Variants in WDFY3 observed in about 807,000 individuals in gnomAD.
WDFY3 encodes the protein WD repeat and FYVE domain containing 3.
In WDFY3, 66 loss-of-function variants were observed where a neutral mutation model predicts 409.6. That is an observed-to-expected ratio of 0.16 (90% CI 0.13 to 0.20). The LOEUF (loss-of-function observed/expected upper bound fraction) is 0.20, where lower values mean the gene tolerates loss of function less well. Ranked by LOEUF, WDFY3 falls within the 10% of genes least tolerant of loss-of-function variation. The pLI, the probability that WDFY3 is intolerant of heterozygous loss-of-function variation, is 1.00. For synonymous variants in WDFY3, 1,521 were observed against 1,537.1 expected, an observed-to-expected ratio of 0.99 and a Z score of 0.25; for missense variants, 3,031 against 4,298.1, an observed-to-expected ratio of 0.71 and a Z score of 8.24.
At chr4:84,874,273 C>T (rs567214501) in intron 3 of WDFY3, among the ~76,000 whole-genome samples, 1 of 152,058 alleles carries the variant, frequency 6.6e-6, no homozygotes, top group East Asian at 2.0e-4. Flanking sequence ...ATTACCCAGG[C>T]ATGGTGGCAC....
chr4:84,878,529 TTTTA>T (rs1222279878), intron 3 of WDFY3, among the ~76,000 whole-genome samples: 4 of 152,198 alleles, frequency 2.6e-5, no homozygotes, highest in African/African-American at 9.6e-5. Flanking sequence ...GAATGAGGAG[TTTTA>T]TTGTTATTTT....
intron 34 of WDFY3, among the ~76,000 whole-genome samples, chr4:84,754,973 C>T (rs2149318783): frequency 6.6e-6 from 1 of 152,156 alleles, no homozygotes; most frequent in Admixed American, 6.5e-5. Flanking sequence ...GAGATGCATG[C>T]TATTATTGTC....
At chr4:84,750,121 AT>A (rs1284626220) in intron 36 of WDFY3, among the ~76,000 whole-genome samples, 2 of 151,960 alleles carry the variant, frequency 1.3e-5, no homozygotes, top group East Asian at 1.9e-4. Flanking sequence ...TTATCCTATT[AT>A]TTTCCAATAA....
intron 33 of WDFY3, among the ~76,000 whole-genome samples, chr4:84,755,698 C>G (rs1741316371): frequency 6.6e-6 from 1 of 152,030 alleles, no homozygotes; most frequent in Non-Finnish European, 1.5e-5. Flanking sequence ...TGTTAATTAG[C>G]CAAGAGATAA....
At position 84,745,334 on chromosome 4, in the gene WDFY3, C is replaced by T. The variant is rs1739240184; in HGVS notation, c.5974-1535G>A. ...GATCTGTATGTTTTAGATTCAGGCA[C>T]AGTATTGAGGTTTTGCAAGTGAAAT... On this transcript the variant is annotated intron_variant, in intron 36 of 67. Transcript: ENST00000295888. 2.0e-5 allele frequency among the ~76,000 whole-genome samples: 3 copies of T among 152,128 alleles called. No individual in the cohort carries two copies. The South Asian group carries it at 6.2e-4, about 31-fold the overall frequency.
At position 84,672,126 on chromosome 4, in the gene WDFY3, T is replaced by G. The variant is rs1212192204; in HGVS notation, c.*742A>C. The G allele has an allele frequency of 2.6e-5, 4 of 152,226 alleles. No homozygotes were observed. The highest frequency in any genetic ancestry group is 5.9e-5 in the Non-Finnish European group (4 of 68,038). 9.4% of individuals were successfully genotyped at this position (152,226 alleles called of 1,614,324 possible). A position where few individuals can be genotyped will look rare whatever the true frequency, so the allele number is the denominator to read the frequency against. On this transcript the variant is annotated 3_prime_UTR_variant, in exon 68 of 68. Transcript: ENST00000295888. Reference sequence around the variant, plus strand: ...ACAAGACGCCCAAATATTTCCAGTTTATCTTACGGCTGGACTCCTATTCTC... The same window carrying G: ...ACAAGACGCCCAAATATTTCCAGTTGATCTTACGGCTGGACTCCTATTCTC...
At chr4:84,963,009 T>C (rs1029325157) in intron 1 of WDFY3, among the ~76,000 whole-genome samples, 1 of 151,014 alleles carries the variant, frequency 6.6e-6, no homozygotes, top group African/African-American at 2.4e-5. Context: ...GGATGATAAA[T>C]ACACCACACA....
At chr4:84,954,792 T>C (rs1046230827) in intron 1 of WDFY3, among the ~76,000 whole-genome samples, 3 of 152,234 alleles carry the variant, frequency 2.0e-5, no homozygotes, top group Non-Finnish European at 2.9e-5. Context: ...GCTGCTTATT[T>C]AGCTGCACTA....
rs1056013575 is a variant in WDFY3, at chr4:84,966,405, CG to C, written c.-423del. 6.6e-6 allele frequency: 1 copy of C among 151,522 alleles called. No homozygotes were observed. The highest frequency in any genetic ancestry group is 1.5e-5 in the Non-Finnish European group (1 of 67,714). 9.4% of individuals were successfully genotyped at this position (151,522 alleles called of 1,614,324 possible). ...TTCTGCGGCCGCGAGGTATGGGAAC[CG>C]GTCCGCCGGGCCAGGCAGCGGTGCT... On this transcript the variant is annotated 5_prime_UTR_variant, in exon 1 of 68. Coordinates refer to ENST00000295888, the MANE Select transcript of WDFY3 (RefSeq NM_014991.6).
intron 1 of WDFY3, among the ~76,000 whole-genome samples, chr4:84,954,235 G>C (rs1434020638): frequency 6.6e-6 from 1 of 152,120 alleles, no homozygotes; most frequent in Non-Finnish European, 1.5e-5. Context: ...TTTAATCCCT[G>C]ATACTTGATC....
At chr4:84,820,591 G>T (rs1011764372) in intron 11 of WDFY3, among the ~76,000 whole-genome samples, 1 of 152,052 alleles carries the variant, frequency 6.6e-6, no homozygotes, top group Admixed American at 6.6e-5. Flanking sequence ...CTTATTAATT[G>T]CCAGATACTA....
At chr4:84,958,627 G>A (rs1382122891) in intron 1 of WDFY3, among the ~76,000 whole-genome samples, 3 of 152,132 alleles carry the variant, frequency 2.0e-5, no homozygotes, top group Non-Finnish European at 4.4e-5. Flanking sequence ...CTTCAAGTAG[G>A]AGACAGGAAT....
chr4:84,842,025 G>T (rs1031284063), intron 5 of WDFY3, among the ~76,000 whole-genome samples: 3 of 152,132 alleles, frequency 2.0e-5, no homozygotes, highest in Non-Finnish European at 4.4e-5. Context: ...TCACAGAACT[G>T]CAGACTTGGA....
intron 58 of WDFY3, 64 bp downstream of exon 58, chr4:84,695,906 C>T: frequency 1.4e-6 from 2 of 1,460,940 alleles, no homozygotes. Flanking sequence ...TGGTAATCTA[C>T]AATCTAGAGA....
chr4:84,862,716 G>A (rs931177382), intron 3 of WDFY3, among the ~76,000 whole-genome samples: 3 of 152,058 alleles, frequency 2.0e-5, no homozygotes, highest in Non-Finnish European at 4.4e-5. Flanking sequence ...TGCTGGGCGC[G>A]GCGGCTGACG....
intron 56 of WDFY3, among the ~76,000 whole-genome samples, chr4:84,697,292 G>A (rs2047278775): frequency 6.6e-6 from 1 of 152,170 alleles, no homozygotes; most frequent in South Asian, 2.1e-4. Context: ...TGTAATACAA[G>A]AGGTTTCTCA....
intron 3 of WDFY3, among the ~76,000 whole-genome samples, chr4:84,863,703 TTGAG>T (rs1367107650): frequency 1.6e-4 from 25 of 152,314 alleles, no homozygotes; most frequent in African/African-American, 6.0e-4. Context: ...TTATTCCATT[TTGAG>T]TTAGTTGTTG....
chr4:84,690,775 G>T (rs1440618334), intron 60 of WDFY3, 111 bp from the exon 61 acceptor site: 2 of 1,317,190 alleles, frequency 1.5e-6, no homozygotes, highest in Non-Finnish European at 1.0e-6. Flanking sequence ...AGCAAATAGC[G>T]GCTCATGTTC....
At chr4:84,717,196 C>A (rs1293467918) in intron 48 of WDFY3, among the ~76,000 whole-genome samples, 180 bp from the exon 49 acceptor site, 2 of 151,972 alleles carry the variant, frequency 1.3e-5, no homozygotes, top group African/African-American at 4.8e-5. Context: ...TACAAGGAAC[C>A]CCCTTTGATG....
Sources: allele counts gnomAD v4.1 joint callset (sites outside exome capture counted in the v4.1 genomes callset), GRCh38; gene constraint gnomAD v4.1.1; transcripts MANE v1.5; gene names NCBI Gene and HGNC (gene_info 2026-07-23, HGNC 2026-07-21).